Variants in MTX1 observed in about 807,000 individuals in gnomAD.
The protein encoded by MTX1 is metaxin 1.
Under a neutral mutation model 39.4 loss-of-function variants are expected in MTX1, and 20 were observed. That is an observed-to-expected ratio of 0.51 (90% CI 0.36 to 0.74). The LOEUF (loss-of-function observed/expected upper bound fraction) is 0.74, where lower values mean the gene tolerates loss of function less well. Ranked by LOEUF, MTX1 falls within the 30% of genes least tolerant of loss-of-function variation. MTX1 has a pLI of 0.00. For missense variants in MTX1, 481 were observed against 485.9 expected, an observed-to-expected ratio of 0.99 and a Z score of 0.10; for synonymous variants, 209 against 198.6, an observed-to-expected ratio of 1.05 and a Z score of -0.44.
rs1557886477 is a variant in MTX1 at position 155,209,113 on chromosome 1, CAGA to C, written c.315_317del (p.Arg105del). ...CCCGCAGTTCAGCTGCCAGTCGGGC[CAGA>C]AGAAGCCTCGCCTCCCCGGGGATCT... On this transcript the variant is annotated inframe_deletion, in exon 1 of 8. Coordinates refer to ENST00000368376, the MANE Select transcript of MTX1 (RefSeq NM_002455.5). 2 of 1,542,904 alleles carry C rather than the reference CAGA, an allele frequency of 1.3e-6. No homozygotes were observed. The highest frequency in any genetic ancestry group is 2.5e-5 in the East Asian group (1 of 40,706).
chr1:155,212,891 T>C lies in MTX1; in HGVS notation c.1031+121T>C, dbSNP rs59833239. 2,022 of 1,505,242 alleles carry C rather than the reference T, an allele frequency of 1.3e-3. 32 individuals are homozygous for C. In the African/African-American group the frequency reaches 0.016, roughly 12 times the overall value. 93.2% of individuals were successfully genotyped at this position (1,505,242 alleles called of 1,614,324 possible). A position where few individuals can be genotyped will look rare whatever the true frequency, so the allele number is the denominator to read the frequency against. ...GGCTCTGGATAGGAGGTCCCTGGGA[T>C]AGAAACTGGCCCTAGTGACAGTGTG... is the stretch of plus-strand genomic sequence containing the variant. On this transcript the variant is annotated intron_variant, in intron 6 of 7. Coordinates refer to ENST00000368376, the MANE Select transcript of MTX1 (RefSeq NM_002455.5).
Position 155,210,565 on chromosome 1 carries a change from C to A in MTX1, c.616C>A (p.Arg206=). 6.2e-7 allele frequency: 1 copy of A among 1,614,076 alleles called. No homozygotes were observed. Among genetic ancestry groups the A allele is most frequent in the South Asian group, 1.1e-5 (1 of 91,070 alleles). The change falls in exon 3 of 8, where the codon CGG becomes AGG. Residue 206 remains arginine, a synonymous_variant. Transcript: ENST00000368376. ...AATATCAGGAACTCTGCCTGCCCTT[C>A]GGACCAGTCATGGAGAGGTCATCTC... The part of the protein sequence containing the change: ...QSPSGTLPAL[R]TSHGEVISVP...
In MTX1 at chr1:155,210,401, G is replaced by T. The variant is rs755352347; in HGVS notation, c.584G>T (p.Trp195Leu). ...AAGGTACACAAGATCAGCAACCCCTGGCAGAGCCCTTCAGGTACCCAGTAT... is the reference window on the plus strand; with the variant it reads ...AAGGTACACAAGATCAGCAACCCCTTGCAGAGCCCTTCAGGTACCCAGTAT... Reference protein sequence around the residue: ...PLKVHKISNPWQSPSGTLPAL... With the variant: ...PLKVHKISNPLQSPSGTLPAL... The change falls in exon 2 of 8, where the codon TGG becomes TTG. Residue 195 changes from tryptophan to leucine, a missense_variant. Physicochemically the swap from Trp to Leu is moderately conservative, Grantham distance 61 (BLOSUM62 -2). Transcript: ENST00000368376. 6.2e-7 allele frequency: 1 copy of T among 1,614,174 alleles called. No homozygotes were observed. The highest frequency in any genetic ancestry group is 8.5e-7 in the Non-Finnish European group (1 of 1,180,012).
chr1:155,211,986 G>A (rs1422736857), intron 3 of MTX1, 141 bp from the exon 4 acceptor site: 3 of 694,444 alleles, frequency 4.3e-6, no homozygotes, highest in Middle Eastern at 8.3e-4. Flanking sequence ...CAGGCAAGGG[G>A]GCCTTGGCAG....
rs1671179035 is a variant in MTX1 at position 155,212,919 on chromosome 1, T to G, written c.1031+149T>G. On this transcript the variant is annotated intron_variant, in intron 6 of 7. Coordinates refer to ENST00000368376, the MANE Select transcript of MTX1 (RefSeq NM_002455.5). ...AAACTGGCCCTAGTGACAGTGTGACTGTGTGGGGGCCAGAGCCTTCTCAGA... is the reference window on the plus strand; with the variant it reads ...AAACTGGCCCTAGTGACAGTGTGACGGTGTGGGGGCCAGAGCCTTCTCAGA... The G allele has an allele frequency of 3.9e-6, 5 of 1,274,766 alleles. No homozygotes were observed. In the Admixed American group the frequency reaches 1.3e-4, roughly 33 times the overall value. 79.0% of individuals were successfully genotyped at this position (1,274,766 alleles called of 1,614,324 possible). A position where few individuals can be genotyped will look rare whatever the true frequency, so the allele number is the denominator to read the frequency against.
At chr1:155,209,625 T>C (rs1671017078) in intron 1 of MTX1, among the ~76,000 whole-genome samples, 1 of 152,210 alleles carries the variant, frequency 6.6e-6, no homozygotes, top group Non-Finnish European at 1.5e-5. Context: ...TTTGGGCATT[T>C]TTTTTCTCCA....
In MTX1 at chr1:155,209,030, G is replaced by T. The variant is rs1426381878; in HGVS notation, c.226G>T (p.Val76Leu). The T allele has an allele frequency of 2.1e-5, 33 of 1,568,072 alleles. No individual in the cohort carries two copies. The highest frequency in any genetic ancestry group is 9.4e-5 in the Admixed American group (5 of 53,430). The change falls in exon 1 of 8, where the codon GTG becomes TTG. Residue 76 changes from valine to leucine, a missense_variant. Val to Leu is a conservative substitution (Grantham distance 32). Transcript: ENST00000368376. ...RAGPTALSRY[V>L]GHLWMGRRPP... Reference sequence around the variant, plus strand: ...CGGGCCGACAGCGCTGTCCCGCTACGTGGGCCACCTCTGGATGGGCCGGCG... The same window carrying T: ...CGGGCCGACAGCGCTGTCCCGCTACTTGGGCCACCTCTGGATGGGCCGGCG...
In MTX1 at chr1:155,208,820, C is replaced by T. The variant is rs748289669; in HGVS notation, c.16C>T (p.Pro6Ser). 2 of 1,553,670 alleles carry T rather than the reference C, an allele frequency of 1.3e-6. No homozygotes were observed. The highest frequency in any genetic ancestry group is 1.7e-6 in the Non-Finnish European group (2 of 1,147,640). The stretch of plus-strand genomic sequence containing the variant: ...TGTGGAAAACATGCTGCTCGGGGGA[C>T]CCCCCCGCAGTCCCCGCTCGGGGAC... MLLGG[P>S]PRSPRSGTSP... The change falls in exon 1 of 8, where the codon CCC becomes TCC. Residue 6 changes from proline to serine, a missense_variant. Pro to Ser is a moderately conservative substitution (Grantham distance 74). Around this residue, in one of 2 missense-constraint regions of MTX1, gnomAD observed 368 missense variants for 332.8 expected, o/e 1.11. Transcript: ENST00000368376.
At chr1:155,210,448 G>A (rs1482234882) in intron 2 of MTX1, 33 bp downstream of exon 2, 3 of 1,610,370 alleles carry the variant, frequency 1.9e-6, no homozygotes, top group East Asian at 2.2e-5. Flanking sequence ...AAGGAAGGGT[G>A]TGTACAAGGG....
chr1:155,213,214 C>G (rs752195860), intron 6 of MTX1, 23 bp from the exon 7 acceptor site: 1 of 495,386 alleles, frequency 2.0e-6, no homozygotes, highest in African/African-American at 2.5e-5. Context: ...CTCCTCCATC[C>G]CACCCTTCTC....
Position 155,212,504 on chromosome 1 carries a change from G to A in MTX1, c.891G>A (p.Met297Ile). ...FLPGRMQRQYMERLQLLTGEH... is the reference protein window; with the variant it reads ...FLPGRMQRQYIERLQLLTGEH... The stretch of plus-strand genomic sequence containing the variant: ...CTGGCCGCATGCAGCGGCAGTACAT[G>A]GAACGGCTACAGCTGCTGACTGGGG... Residue 297 changes from methionine (M) to isoleucine (I), a missense_variant, in exon 5 of 8, where the codon ATG (methionine) becomes ATA (isoleucine). Transcript: ENST00000368376. 1.9e-6 allele frequency: 3 copies of A among 1,613,950 alleles called. No homozygotes were observed. The highest frequency in any genetic ancestry group is 2.5e-6 in the Non-Finnish European group (3 of 1,179,844).
At position 155,209,050 on chromosome 1, in the gene MTX1, C is replaced by T. The variant is rs1339886328; in HGVS notation, c.246C>T (p.Gly82=). 1 of 1,542,192 alleles carries T rather than the reference C, an allele frequency of 6.5e-7. No homozygotes were observed. Among genetic ancestry groups the T allele is most frequent in the South Asian group, 1.2e-5 (1 of 83,728 alleles). Residue 82 remains glycine, a synonymous_variant, in exon 1 of 8, where the codon GGC becomes GGT. Transcript: ENST00000368376. The part of the protein sequence containing the change: ...LSRYVGHLWM[G]RRPPSPEARG... ...GCTACGTGGGCCACCTCTGGATGGG[C>T]CGGCGGCCGCCCTCCCCCGAGGCCC...
Position 155,208,932 on chromosome 1 carries a change from C to T in MTX1, c.128C>T (p.Ser43Phe), listed in dbSNP as rs770138171. The T allele has an allele frequency of 6.2e-6, 10 of 1,610,604 alleles. No individual in the cohort carries two copies. Among genetic ancestry groups the T allele is most frequent in the Non-Finnish European group, 8.5e-7 (1 of 1,179,430 alleles). The change falls in exon 1 of 8, where the codon TCT (serine) becomes TTT (phenylalanine). Residue 43 changes from serine (S) to phenylalanine (F), a missense_variant. Coordinates refer to ENST00000368376, the MANE Select transcript of MTX1 (RefSeq NM_002455.5). ...QTWPRRTRPRSPEPAAPSGVR... is the reference protein window; with the variant it reads ...QTWPRRTRPRFPEPAAPSGVR... ...TGGCCCAGGCGCACAAGACCCCGCT[C>T]TCCAGAGCCTGCCGCGCCTTCAGGG...
intron 1 of MTX1, among the ~76,000 whole-genome samples, chr1:155,210,110 T>C (rs1244518164): frequency 2.6e-5 from 4 of 152,156 alleles, no homozygotes; most frequent in East Asian, 1.9e-4. Flanking sequence ...AGAGAGGAGA[T>C]AGAGGAAAGG....
intron 3 of MTX1, chr1:155,211,525 A>G (rs1671132134): frequency 6.5e-6 from 1 of 152,994 alleles, no homozygotes; most frequent in South Asian, 2.1e-4. Context: ...ATGCTGAGGA[A>G]CAGGGACTGG....
rs1261927414 is a variant in MTX1, at chr1:155,210,644, G to A, written c.678+17G>A. On this transcript the variant is annotated intron_variant, in intron 3 of 7. Transcript: ENST00000368376. Reference sequence around the variant, plus strand: ...CGAAAAGAGGTAGGTGACTTGGATAGAGGGGGCTGCCAGTGAGAGAAGTTC... The same window carrying A: ...CGAAAAGAGGTAGGTGACTTGGATAAAGGGGGCTGCCAGTGAGAGAAGTTC... 6.2e-7 allele frequency: 1 copy of A among 1,608,590 alleles called. No homozygotes were observed. Among genetic ancestry groups the A allele is most frequent in the Non-Finnish European group, 8.5e-7 (1 of 1,175,752 alleles).
At position 155,209,101 on chromosome 1, in the gene MTX1, T is replaced by G. The variant is rs1379485040; in HGVS notation, c.297T>G (p.Ala99=). Residue 99 remains alanine, a synonymous_variant, in exon 1 of 8, where the codon GCT becomes GCG. Coordinates refer to ENST00000368376, the MANE Select transcript of MTX1 (RefSeq NM_002455.5). ...GCGGCCCAGTCCCCCGCAGTTCAGC[T>G]GCCAGTCGGGCCAGAAGAAGCCTCG... is the stretch of plus-strand genomic sequence containing the variant. ...EARGPVPRSS[A]ASRARRSLAS... 6.5e-7 allele frequency: 1 copy of G among 1,543,134 alleles called. No individual in the cohort carries two copies. The highest frequency in any genetic ancestry group is 1.4e-5 in the African/African-American group (1 of 72,664).
chr1:155,209,943 A>G (rs1436623870), intron 1 of MTX1, among the ~76,000 whole-genome samples: 1 of 152,258 alleles, frequency 6.6e-6, no homozygotes, highest in East Asian at 1.9e-4. Flanking sequence ...AAAGGCAGAT[A>G]GGTAAGCAAA....
intron 1 of MTX1, 135 bp downstream of exon 1, chr1:155,209,467 C>A (rs932260540): frequency 2.0e-6 from 2 of 1,023,012 alleles, no homozygotes; most frequent in East Asian, 6.2e-5. Flanking sequence ...AAAGAGCGTA[C>A]GTGGCCGATA....
Sources: allele counts gnomAD v4.1 joint callset (sites outside exome capture counted in the v4.1 genomes callset), GRCh38; gene constraint gnomAD v4.1.1; regional missense constraint gnomAD v4.1.1; transcripts MANE v1.5; gene names NCBI Gene and HGNC (gene_info 2026-07-23, HGNC 2026-07-21).